Variants in E2F7 observed in about 807,000 individuals in gnomAD.
E2F7 encodes the protein transcription factor E2F7.
A neutral mutation model predicts 81.1 loss-of-function variants in E2F7; 35 were observed. The observed-to-expected ratio is 0.43, with a 90% confidence interval of 0.33 to 0.57. The LOEUF is 0.57. Among genes scored for constraint, E2F7 ranks in the 20% least tolerant of loss-of-function variants. E2F7 has a pLI of 0.04. For synonymous variants in E2F7, 416 were observed against 416.2 expected (o/e 1.00, Z 0.01); for missense variants, 961 against 1,093.7 (o/e 0.88, Z 1.71).
chr12:77,041,173 C>T (rs117991985), intron 7 of E2F7, among the ~76,000 whole-genome samples: 2,890 of 152,262 alleles, frequency 0.019, 42 homozygotes, highest in Non-Finnish European at 0.029. Context: ...TCTCAACAGC[C>T]GCTCATCTTC....
In E2F7 at chr12:77,029,822, C is replaced by G. The variant is rs753463745; in HGVS notation, c.1884+9G>C. 1.9e-6 allele frequency: 3 copies of G among 1,613,324 alleles called. No homozygotes were observed. Among genetic ancestry groups the G allele is most frequent in the Non-Finnish European group, 2.5e-6 (3 of 1,179,452 alleles). ...ATGTCACCAGACACATCCACCTGCA[C>G]TCCCTTACCTTGGGCATGACAAGCG... On this transcript the variant is annotated intron_variant, in intron 10 of 12. Transcript: ENST00000322886.
In E2F7 at chr12:77,022,526, A is replaced by T. The variant is rs1156350807; in HGVS notation, c.*1489T>A. 2 of 152,546 alleles carry T rather than the reference A, an allele frequency of 1.3e-5. No homozygotes were observed. Among genetic ancestry groups the T allele is most frequent in the African/African-American group, 4.8e-5 (2 of 41,456 alleles). 9.4% of individuals were successfully genotyped at this position (152,546 alleles called of 1,614,324 possible). A position where few individuals can be genotyped will look rare whatever the true frequency, so the allele number is the denominator to read the frequency against. On this transcript the variant is annotated 3_prime_UTR_variant, in exon 13 of 13. Transcript: ENST00000322886. ...CAGAGTCTCTTAAATTAATATTTTCATTCTTTCATATAACATTTTATTGGG... is the reference window on the plus strand; with the variant it reads ...CAGAGTCTCTTAAATTAATATTTTCTTTCTTTCATATAACATTTTATTGGG...
intron 2 of E2F7, 123 bp from the exon 3 acceptor site, chr12:77,056,253 A>G: frequency 9.5e-7 from 1 of 1,051,288 alleles, no homozygotes; most frequent in Non-Finnish European, 1.3e-6. Context: ...TTAGGGCTGA[A>G]AAGTATCAGG....
intron 4 of E2F7, among the ~76,000 whole-genome samples, chr12:77,048,040 G>A (rs1954957509): frequency 6.6e-6 from 1 of 152,138 alleles, no homozygotes; most frequent in African/African-American, 2.4e-5. Flanking sequence ...ATCCCAAGAA[G>A]GGAAAACAAA....
intron 2 of E2F7, among the ~76,000 whole-genome samples, chr12:77,057,327 C>T (rs1025468031): frequency 3.1e-4 from 47 of 152,136 alleles, no homozygotes; most frequent in Admixed American, 2.4e-3. Context: ...TCTCCTGCCT[C>T]AGCCTCCCAA....
rs1265898770 is a variant in E2F7 at position 77,028,117 on chromosome 12, G to C, written c.1906C>G (p.Leu636Val). The C allele has an allele frequency of 6.2e-7, 1 of 1,613,726 alleles. No individual in the cohort carries two copies. Among genetic ancestry groups the C allele is most frequent in the Non-Finnish European group, 8.5e-7 (1 of 1,179,934 alleles). Residue 636 changes from leucine (L) to valine (V), a missense_variant, in exon 11 of 13, where the codon CTT (leucine) becomes GTT (valine). Transcript: ENST00000322886. Reference sequence around the variant, plus strand: ...TTACCCATAGTCTTGGGAGAGGCAAGGTCTGTGGAATCTGAGGGTTTCTAA... The same window carrying C: ...TTACCCATAGTCTTGGGAGAGGCAACGTCTGTGGAATCTGAGGGTTTCTAA... ...MPKKPSDSTD[L>V]ASPKTMGNRA...
At chr12:77,063,093 G>C (rs1052803013) in intron 2 of E2F7, among the ~76,000 whole-genome samples, 1 of 152,144 alleles carries the variant, frequency 6.6e-6, no homozygotes, top group Non-Finnish European at 1.5e-5. Context: ...CCTTTGTCCA[G>C]CGTATTTGCA....
intron 7 of E2F7, among the ~76,000 whole-genome samples, chr12:77,035,486 T>C (rs891712241): frequency 6.6e-6 from 1 of 152,164 alleles, no homozygotes; most frequent in Admixed American, 6.5e-5. Context: ...CATTTGTTAG[T>C]GTACTAAAAA....
chr12:77,042,316 G>C (rs1954900417), intron 7 of E2F7, among the ~76,000 whole-genome samples: 1 of 152,204 alleles, frequency 6.6e-6, no homozygotes, highest in African/African-American at 2.4e-5. Context: ...TGTGCTACAA[G>C]TGAGGTGGAG....
intron 12 of E2F7, among the ~76,000 whole-genome samples, chr12:77,024,549 A>G (rs538212472): frequency 1.6e-4 from 25 of 152,288 alleles, no homozygotes; most frequent in East Asian, 1.2e-3. Flanking sequence ...ATTAAATAAG[A>G]TAATTGTAAA....
At chr12:77,049,962 G>C (rs1402575877) in intron 4 of E2F7, among the ~76,000 whole-genome samples, 4 of 152,020 alleles carry the variant, frequency 2.6e-5, no homozygotes, top group African/African-American at 9.7e-5. Context: ...GTCCACTAGG[G>C]GTCTCTATTC....
chr12:77,061,720 G>A (rs1049082998), intron 2 of E2F7, among the ~76,000 whole-genome samples: 10 of 152,174 alleles, frequency 6.6e-5, no homozygotes, highest in South Asian at 2.1e-4. Context: ...CTAAATGACC[G>A]CTGATCCAGC....
At chr12:77,026,033 A>T in intron 11 of E2F7, 51 bp from the exon 12 acceptor site, 1 of 1,522,168 alleles carries the variant, frequency 6.6e-7, no homozygotes, top group Non-Finnish European at 8.8e-7. Context: ...TCATGAGGAT[A>T]TCATTCAAGC....
intron 2 of E2F7, among the ~76,000 whole-genome samples, chr12:77,059,450 T>G (rs540331634): frequency 6.6e-6 from 1 of 152,214 alleles, no homozygotes; most frequent in Non-Finnish European, 1.5e-5. Flanking sequence ...TCCGTAGGTA[T>G]AAAATGAGGA....
intron 7 of E2F7, among the ~76,000 whole-genome samples, chr12:77,035,096 A>G (rs1954837911): frequency 6.6e-6 from 1 of 152,190 alleles, no homozygotes; most frequent in African/African-American, 2.4e-5. Context: ...GTGAGACAGG[A>G]ATCAAATAGG....
chr12:77,030,398 A>G (rs557919086), intron 9 of E2F7, 66 bp from the exon 10 acceptor site: 1 of 1,497,120 alleles, frequency 6.7e-7, no homozygotes, highest in South Asian at 1.4e-5. Flanking sequence ...TTACTTTCCC[A>G]AAGACAGCCA....
chr12:77,033,240 G>T, intron 8 of E2F7, 118 bp from the exon 9 acceptor site: 1 of 921,542 alleles, frequency 1.1e-6, no homozygotes, highest in Non-Finnish European at 1.6e-6. Context: ...ACTCAAATCT[G>T]TTATGGTTTT....
Position 77,046,046 on chromosome 12 carries a change from C to T in E2F7, c.821G>A (p.Cys274Tyr). Residue 274 changes from cysteine to tyrosine, a missense_variant, in exon 5 of 13, where the codon TGT (cysteine) becomes TAT (tyrosine). By Grantham distance (194) the Cys-to-Tyr change is radical. Transcript: ENST00000322886. ...AGTTACAATGGACTCACAAGAGGGA[C>T]AGTCGGGTTCAGAGAAATCCAGTAA... ...QQLLDFSEPD[C>Y]PSSSANSRKD... The T allele has an allele frequency of 6.2e-7, 1 of 1,613,450 alleles. No homozygotes were observed. The highest frequency in any genetic ancestry group is 8.5e-7 in the Non-Finnish European group (1 of 1,179,694).
At chr12:77,059,960 CAAA>C (rs59663589) in intron 2 of E2F7, among the ~76,000 whole-genome samples, 12,934 of 76,942 alleles carry the variant, frequency 0.17, 680 homozygotes, top group South Asian at 0.33. Flanking sequence ...GATTCTGTCT[CAAA>C]AAAAAAAAAA....
Sources: gnomAD v4.1 joint callset for allele counts (sites outside exome capture counted in the v4.1 genomes callset) on GRCh38, gnomAD v4.1.1 for gene constraint, MANE v1.5 for transcripts, NCBI Gene and HGNC (gene_info 2026-07-23, HGNC 2026-07-21) for gene names.